ANOS1: variants seen among roughly 807,000 people sequenced by gnomAD.
ANOS1 encodes anosmin 1, also known as anosmin-1.
Under a neutral mutation model 59.0 loss-of-function variants are expected in ANOS1, and 6 were observed. That is an observed-to-expected ratio of 0.10 (90% CI 0.06 to 0.20). ANOS1 has a LOEUF of 0.20. Ranked by LOEUF, ANOS1 falls within the 10% of genes least tolerant of loss-of-function variation. The pLI, the probability that ANOS1 is intolerant of heterozygous loss-of-function variation, is 1.00. For missense variants in ANOS1, 433 were observed against 542.3 expected, an observed-to-expected ratio of 0.80 and a Z score of 2.00; for synonymous variants, 217 against 223.4, an observed-to-expected ratio of 0.97 and a Z score of 0.25.
intron 2 of ANOS1, among the ~76,000 whole-genome samples, chrX:8,663,132 G>A (rs56311911): frequency 0.019 from 2,085 of 112,045 alleles, 23 homozygotes; most frequent in Non-Finnish European, 0.028. Flanking sequence ...AGCCCTCTCA[G>A]AAGGAACCAA....
chrX:8,664,066 A>G (rs923634777), intron 2 of ANOS1, among the ~76,000 whole-genome samples: 85 of 111,675 alleles, frequency 7.6e-4, no homozygotes, highest in African/African-American at 2.5e-3. Context: ...GGAAGGGAGA[A>G]CATCAGGATA....
At chrX:8,725,609 GAT>G (rs199789462) in intron 1 of ANOS1, among the ~76,000 whole-genome samples, 264 of 21,903 alleles carry the variant, frequency 0.012, 35 homozygotes, top group African/African-American at 0.058. Context: ...TATATATACA[GAT>G]ATATATATAT....
chrX:8,709,109 G>A (rs983493942), intron 1 of ANOS1, among the ~76,000 whole-genome samples: 3 of 109,475 alleles, frequency 2.7e-5, no homozygotes, highest in African/African-American at 1.0e-4. Flanking sequence ...ACCAGAGCCT[G>A]TCAGGGGGTG....
chrX:8,707,444 C>T (rs992716834), intron 1 of ANOS1, among the ~76,000 whole-genome samples: 1 of 111,779 alleles, frequency 8.9e-6, no homozygotes, highest in African/African-American at 3.3e-5. Flanking sequence ...AGAGATTTGG[C>T]ATGATGACAC....
chrX:8,682,815 C>T (rs902886498), intron 2 of ANOS1, among the ~76,000 whole-genome samples: 1 of 111,179 alleles, frequency 9.0e-6, no homozygotes, highest in African/African-American at 3.3e-5. Context: ...AATACACACA[C>T]ACAAAAAAAA....
At chrX:8,601,853 C>A (rs1434710563) in intron 3 of ANOS1, among the ~76,000 whole-genome samples, 1 of 112,133 alleles carries the variant, frequency 8.9e-6, no homozygotes, top group Non-Finnish European at 1.9e-5. Flanking sequence ...ATCACTGCTA[C>A]AAGTTTACTC....
chrX:8,725,867 T>A (rs1031603638), intron 1 of ANOS1, among the ~76,000 whole-genome samples: 1 of 109,000 alleles, frequency 9.2e-6, no homozygotes, highest in Non-Finnish European at 1.9e-5. Flanking sequence ...TTTTAAATCA[T>A]GTTCAAAGAG....
At chrX:8,617,750 C>A (rs917570307) in intron 3 of ANOS1, among the ~76,000 whole-genome samples, 1 of 110,157 alleles carries the variant, frequency 9.1e-6, no homozygotes, top group African/African-American at 3.3e-5. Context: ...CACTGCACTC[C>A]AGCCTAGGTG....
intron 6 of ANOS1, among the ~76,000 whole-genome samples, chrX:8,582,252 T>G (rs973248311): frequency 2.7e-5 from 3 of 112,588 alleles, no homozygotes; most frequent in African/African-American, 9.7e-5. Context: ...CTTGTTTGCT[T>G]ACACATATAA....
intron 2 of ANOS1, among the ~76,000 whole-genome samples, chrX:8,652,767 G>T (rs1342178206): frequency 1.8e-5 from 2 of 111,517 alleles, no homozygotes; most frequent in Non-Finnish European, 3.8e-5. Flanking sequence ...ATTCTACAGG[G>T]TCCAACAAAT....
intron 11 of ANOS1, 141 bp downstream of exon 11, chrX:8,536,630 C>T: frequency 2.0e-6 from 1 of 510,587 alleles, no homozygotes; most frequent in Non-Finnish European, 3.5e-6. Context: ...CTCTTCCCTC[C>T]ACATTGGGCC....
chrX:8,727,945 T>C (rs915006801), intron 1 of ANOS1, among the ~76,000 whole-genome samples: 1 of 112,685 alleles, frequency 8.9e-6, no homozygotes, highest in Non-Finnish European at 1.9e-5. Flanking sequence ...GAGAACAACA[T>C]GGATAGGAAA....
chrX:8,570,362 G>A (rs186256243), intron 7 of ANOS1, 137 bp downstream of exon 7: 33 of 573,306 alleles, frequency 5.8e-5, no homozygotes, highest in Admixed American at 5.2e-4. Flanking sequence ...GAACTTCCTC[G>A]GTAGAAATGA....
intron 2 of ANOS1, among the ~76,000 whole-genome samples, chrX:8,685,701 AAAAG>A (rs1247882793): frequency 9.1e-6 from 1 of 110,204 alleles, no homozygotes; most frequent in Non-Finnish European, 1.9e-5. Flanking sequence ...GAAGGAAGGA[AAAAG>A]AAAGGCAGGA....
chrX:8,594,700 A>G (rs1442404685), intron 4 of ANOS1, among the ~76,000 whole-genome samples: 13 of 49,971 alleles, frequency 2.6e-4, no homozygotes, highest in African/African-American at 7.7e-4. Context: ...ATATATATAC[A>G]CATATATATA....
chrX:8,579,675 C>T (rs757811914), intron 6 of ANOS1, among the ~76,000 whole-genome samples: 34 of 111,032 alleles, frequency 3.1e-4, no homozygotes, highest in Non-Finnish European at 5.8e-4. Flanking sequence ...TGCCCTCCCA[C>T]ACCTCCTCAC....
intron 2 of ANOS1, among the ~76,000 whole-genome samples, chrX:8,691,538 T>C (rs750617080): frequency 3.6e-5 from 4 of 111,120 alleles, no homozygotes; most frequent in African/African-American, 1.3e-4. Context: ...GACGGATGGA[T>C]GGATGGATGA....
At chrX:8,670,695 CCA>C (rs1454716957) in intron 2 of ANOS1, among the ~76,000 whole-genome samples, 2 of 111,755 alleles carry the variant, frequency 1.8e-5, no homozygotes, top group Non-Finnish European at 3.8e-5. Context: ...TGTTTCTGGG[CCA>C]GAGACTTCAG....
intron 6 of ANOS1, among the ~76,000 whole-genome samples, chrX:8,578,385 G>A (rs190220261): frequency 1.0e-4 from 11 of 109,633 alleles, no homozygotes; most frequent in Admixed American, 9.8e-4. Context: ...CTATTAAATA[G>A]TTTCAAGACA....
Sources: gnomAD v4.1 joint callset for allele counts (sites outside exome capture counted in the v4.1 genomes callset) on GRCh38, gnomAD v4.1.1 for gene constraint, MANE v1.5 for transcripts, NCBI Gene and HGNC (gene_info 2026-07-23, HGNC 2026-07-21) for gene names.